Variants in PRDM16 observed in about 807,000 individuals in gnomAD.
PRDM16 encodes PR/SET domain 16.
In PRDM16, 23 loss-of-function variants were observed where a neutral mutation model predicts 110.6. The ratio of observed to expected loss-of-function variants is 0.21; its 90% CI spans 0.15 to 0.29. PRDM16 has a LOEUF of 0.29. Ranked by LOEUF, PRDM16 falls within the 10% of genes least tolerant of loss-of-function variation. The pLI is 1.00. For missense variants in PRDM16, 1,615 were observed against 1,794.3 expected (o/e 0.90, Z 1.81); for synonymous variants, 799 against 781.8 (o/e 1.02, Z -0.37).
rs776196845 is a variant in PRDM16 at position 3,411,643 on chromosome 1, C to T, written c.1446C>T (p.Ser482=). The T allele has an allele frequency of 5.0e-6, 8 of 1,613,712 alleles. No homozygotes were observed. Among genetic ancestry groups the T allele is most frequent in the Non-Finnish European group, 6.8e-6 (8 of 1,179,830 alleles). The part of the protein sequence containing the change: ...AKPSPSLNHA[S]LGFNEYFPSR... ...CCTCCCCCAGCCTCAATCACGCCAG[C>T]CTGGGCTTCAACGAGTACTTTCCCT... The change falls in exon 9 of 17, where the codon AGC becomes AGT. Residue 482 remains serine (S), a synonymous_variant. Coordinates refer to ENST00000270722, the MANE Select transcript of PRDM16 (RefSeq NM_022114.4).
Position 3,350,332 on chromosome 1 carries a change from A to G in PRDM16, c.439-34820A>G, listed in dbSNP as rs1005152315. On this transcript the variant is annotated intron_variant, in intron 3 of 16. Coordinates refer to ENST00000270722, the MANE Select transcript of PRDM16 (RefSeq NM_022114.4). This position sits in a 1 kb window ranked among gnomAD's most constrained non-coding sequence, Gnocchi z 7.1. ...GAGAGTGAGACCCTGTCTCAAAAAA[A>G]TGAAAAGAAAAGATCTGGAAGTGGG... Among the ~76,000 whole-genome samples, 2 of 152,154 alleles carry G rather than the reference A, an allele frequency of 1.3e-5. No individual in the cohort carries two copies. The highest frequency in any genetic ancestry group is 2.9e-5 in the Non-Finnish European group (2 of 68,028).
At chr1:3,117,482 G>A (rs895291795) in intron 1 of PRDM16, among the ~76,000 whole-genome samples, 3 of 152,108 alleles carry the variant, frequency 2.0e-5, no homozygotes, top group African/African-American at 7.2e-5. Flanking sequence ...CTGGGGAGTG[G>A]TCTAGAGCCT....
chr1:3,401,969 G>A (rs1297570074), intron 5 of PRDM16, among the ~76,000 whole-genome samples: 2 of 152,184 alleles, frequency 1.3e-5, no homozygotes, highest in Non-Finnish European at 2.9e-5. Context: ...ACACAAACAT[G>A]GGTGTAAGTG....
At chr1:3,070,504 C>T (rs1448876252) in intron 1 of PRDM16, among the ~76,000 whole-genome samples, 1 of 150,204 alleles carries the variant, frequency 6.7e-6, no homozygotes, top group Admixed American at 6.6e-5. Context: ...GAATCGGCGC[C>T]GCCTGCTCCC....
intron 1 of PRDM16, among the ~76,000 whole-genome samples, chr1:3,115,623 C>T (rs893274103): frequency 2.0e-5 from 3 of 152,188 alleles, no homozygotes; most frequent in Admixed American, 2.0e-4. Flanking sequence ...CGAGAGGGGG[C>T]GGGGGCCACG....
chr1:3,374,575 A>C (rs2249860), intron 3 of PRDM16, among the ~76,000 whole-genome samples: 87,025 of 151,990 alleles, frequency 0.57, 26,888 homozygotes, highest in African/African-American at 0.79. Context: ...ATGCTCAGCC[A>C]AGGGCCCTCT....
At chr1:3,105,066 G>A (rs1303840834) in intron 1 of PRDM16, among the ~76,000 whole-genome samples, 1 of 152,026 alleles carries the variant, frequency 6.6e-6, no homozygotes, top group Non-Finnish European at 1.5e-5. Flanking sequence ...GGGGGCGGGT[G>A]GAAGGTGCTG....
chr1:3,118,108 TGTGTGC>T (rs140253337), intron 1 of PRDM16, among the ~76,000 whole-genome samples: 11,770 of 151,520 alleles, frequency 0.078, 518 homozygotes, highest in Admixed American at 0.13. Flanking sequence ...CATGCATGTG[TGTGTGC>T]GTGTGCGTGT....
intron 7 of PRDM16, 132 bp downstream of exon 7, chr1:3,405,018 C>T (rs1053185817): frequency 2.6e-5 from 24 of 934,788 alleles, no homozygotes; most frequent in Middle Eastern, 2.7e-4. Flanking sequence ...GAGGCCCCTG[C>T]GGTGGCTCGG....
chr1:3,292,559 C>T (rs774653175), intron 3 of PRDM16, among the ~76,000 whole-genome samples: 7 of 152,200 alleles, frequency 4.6e-5, no homozygotes, highest in African/African-American at 1.4e-4. Context: ...CATTCTTGAC[C>T]GCGCTGTCCG....
At chr1:3,257,446 T>C (rs1640076378) in intron 3 of PRDM16, among the ~76,000 whole-genome samples, 2 of 152,166 alleles carry the variant, frequency 1.3e-5, no homozygotes, top group African/African-American at 2.4e-5. Context: ...CCCAGAGAGC[T>C]CCTCAAGTTT....
intron 1 of PRDM16, among the ~76,000 whole-genome samples, chr1:3,078,892 A>G (rs1420588409): frequency 1.3e-5 from 2 of 152,266 alleles, no homozygotes; most frequent in Non-Finnish European, 2.9e-5. Flanking sequence ...AGGGGAACGC[A>G]TTGAAAAATG....
At chr1:3,391,042 G>A (rs1643292022) in intron 4 of PRDM16, among the ~76,000 whole-genome samples, 1 of 152,104 alleles carries the variant, frequency 6.6e-6, no homozygotes, top group African/African-American at 2.4e-5. Context: ...CACCATGTTG[G>A]TCAGGCTGGT....
chr1:3,249,716 C>T (rs1479664350), intron 3 of PRDM16, among the ~76,000 whole-genome samples: 6 of 152,218 alleles, frequency 3.9e-5, no homozygotes, highest in South Asian at 2.1e-4. Context: ...AGACTTGCTT[C>T]GTCGCAGTAA....
At chr1:3,402,720 T>C in intron 5 of PRDM16, 71 bp from the exon 6 acceptor site, 1 of 1,421,826 alleles carries the variant, frequency 7.0e-7, no homozygotes, top group South Asian at 1.2e-5. Flanking sequence ...GGGCCAGGTC[T>C]CCAGAGTCCC....
At chr1:3,178,343 A>C (rs556448707) in intron 1 of PRDM16, among the ~76,000 whole-genome samples, 40 of 152,264 alleles carry the variant, frequency 2.6e-4, no homozygotes, top group African/African-American at 9.6e-4. Flanking sequence ...TCCCTCCCGC[A>C]GGCTTCCGTC....
Position 3,134,450 on chromosome 1 carries a change from C to G in PRDM16, c.38-51675C>G, listed in dbSNP as rs531816765. On this transcript the variant is annotated intron_variant, in intron 1 of 16. Coordinates refer to ENST00000270722, the MANE Select transcript of PRDM16 (RefSeq NM_022114.4). Reference sequence around the variant, plus strand: ...GCCCCCAAAGTTGGGGCCGAGGGGCCACGCTCATGCCCATCACCCCCTCCT... The same window carrying G: ...GCCCCCAAAGTTGGGGCCGAGGGGCGACGCTCATGCCCATCACCCCCTCCT... Among the ~76,000 whole-genome samples, 44 of 152,368 alleles carry G rather than the reference C, an allele frequency of 2.9e-4. 1 individual carries two copies. Among genetic ancestry groups the G allele is most frequent in the Middle Eastern group, 3.4e-3 (1 of 294 alleles).
rs531506382 is a variant in PRDM16 at position 3,328,514 on chromosome 1, G to A, written c.439-56638G>A. Among the ~76,000 whole-genome samples the A allele has an allele frequency of 6.6e-5, 10 of 152,268 alleles. No homozygotes were observed. In the East Asian group the frequency reaches 9.7e-4, roughly 15 times the overall value. ...TTAGGAAAGCAGGTGGGAAGCAGGC[G>A]GAGACCCTGTGGGTTCAAAGGGCAC... On this transcript the variant is annotated intron_variant, in intron 3 of 16. Transcript: ENST00000270722.
At chr1:3,314,395 G>A (rs1641548392) in intron 3 of PRDM16, among the ~76,000 whole-genome samples, 1 of 152,124 alleles carries the variant, frequency 6.6e-6, no homozygotes, top group African/African-American at 2.4e-5. Context: ...ATTTGTTTTT[G>A]TGTAGCTAAT....
Sources: allele counts gnomAD v4.1 joint callset (sites outside exome capture counted in the v4.1 genomes callset), GRCh38; gene constraint gnomAD v4.1.1; non-coding constraint Gnocchi (gnomAD v3.1); transcripts MANE v1.5; gene names NCBI Gene and HGNC (gene_info 2026-07-23, HGNC 2026-07-21).